PSEN1: variants seen among roughly 807,000 people sequenced by gnomAD.
PSEN1 encodes presenilin-1.
In PSEN1, 15 loss-of-function variants were observed where a neutral mutation model predicts 53.5. That is an observed-to-expected ratio of 0.28 (90% CI 0.19 to 0.43). The LOEUF is 0.43. Ranked by LOEUF, PSEN1 falls within the 20% of genes least tolerant of loss-of-function variation. The pLI, the probability that PSEN1 is intolerant of heterozygous loss-of-function variation, is 1.00. For synonymous variants in PSEN1, 208 were observed against 209.8 expected (o/e 0.99, Z 0.08); for missense variants, 387 against 571.2 (o/e 0.68, Z 3.29).
intron 1 of PSEN1, among the ~76,000 whole-genome samples, chr14:73,142,299 A>G (rs3025773): frequency 0.029 from 4,364 of 152,304 alleles, 179 homozygotes; most frequent in African/African-American, 0.083. Context: ...AATAAATCAC[A>G]AGCTCATTGG....
At chr14:73,203,928 A>T (rs912014474) in intron 8 of PSEN1, among the ~76,000 whole-genome samples, 13 of 152,342 alleles carry the variant, frequency 8.5e-5, no homozygotes, top group Admixed American at 6.5e-4. Context: ...TAGAAGCAGG[A>T]GGATTGCTTG....
At chr14:73,149,443 G>A (rs1897158733) in intron 3 of PSEN1, among the ~76,000 whole-genome samples, 1 of 152,152 alleles carries the variant, frequency 6.6e-6, no homozygotes, top group Non-Finnish European at 1.5e-5. Flanking sequence ...GATCTGTAGA[G>A]GATTAGTCCG....
intron 8 of PSEN1, among the ~76,000 whole-genome samples, chr14:73,202,027 G>A (rs1391755232): frequency 1.8e-4 from 27 of 151,954 alleles, no homozygotes; most frequent in Admixed American, 1.6e-3. Flanking sequence ...GATTACAGAC[G>A]TGAGCCACTG....
chr14:73,203,548 ATTTG>A (rs1013931720), intron 8 of PSEN1, among the ~76,000 whole-genome samples: 54 of 152,318 alleles, frequency 3.5e-4, no homozygotes, highest in African/African-American at 1.3e-3. Context: ...CATCCTGGCT[ATTTG>A]TTCTCTAAAA....
chr14:73,191,277 C>T lies in PSEN1; in HGVS notation c.549-1367C>T, dbSNP rs549562229. ...TCTCATCTACTCTTCTCTCACACTA[C>T]TTTGCATAAATGGGATCATAAATGG... On this transcript the variant is annotated intron_variant, in intron 6 of 11. Coordinates refer to ENST00000324501, the MANE Select transcript of PSEN1 (RefSeq NM_000021.4). 3.9e-5 allele frequency among the ~76,000 whole-genome samples: 6 copies of T among 152,268 alleles called. 1 individual carries two copies. The South Asian group carries it at 1.2e-3, about 32-fold the overall frequency.
chr14:73,187,016 C>A, intron 6 of PSEN1, 96 bp downstream of exon 6: 1 of 1,023,808 alleles, frequency 9.8e-7, no homozygotes, highest in African/African-American at 1.6e-5. Flanking sequence ...ATGAATTACT[C>A]TGAAGTTTTA....
At chr14:73,211,973 T>C (rs1899707707) in intron 10 of PSEN1, 31 bp downstream of exon 10, 2 of 1,608,478 alleles carry the variant, frequency 1.2e-6, no homozygotes, top group Non-Finnish European at 1.7e-6. Flanking sequence ...TGCAAAGTCA[T>C]GGATTCCTTT....
intron 3 of PSEN1, among the ~76,000 whole-genome samples, chr14:73,149,724 A>G (rs1329687448): frequency 6.6e-6 from 1 of 152,214 alleles, no homozygotes; most frequent in Non-Finnish European, 1.5e-5. Flanking sequence ...GTTGTCTACC[A>G]GAGTATAATC....
rs1416455346 is a variant in PSEN1, at chr14:73,221,457, G to A, written c.*2168G>A. 1 of 152,210 alleles carries A rather than the reference G, an allele frequency of 6.6e-6. No homozygotes were observed. Among genetic ancestry groups the A allele is most frequent in the African/African-American group, 2.4e-5 (1 of 41,454 alleles). 9.4% of individuals were successfully genotyped at this position (152,210 alleles called of 1,614,324 possible). A position where few individuals can be genotyped will look rare whatever the true frequency, so the allele number is the denominator to read the frequency against. ...CTTCTCTGAAGAGGGTACGTGGGGTGTGTGTATTTAAATCCATCCTATGTA... is the reference window on the plus strand; with the variant it reads ...CTTCTCTGAAGAGGGTACGTGGGGTATGTGTATTTAAATCCATCCTATGTA... On this transcript the variant is annotated 3_prime_UTR_variant, in exon 12 of 12. Coordinates refer to ENST00000324501, the MANE Select transcript of PSEN1 (RefSeq NM_000021.4).
chr14:73,173,896 T>G, intron 5 of PSEN1, 189 bp downstream of exon 5: 1 of 728,766 alleles, frequency 1.4e-6, no homozygotes, highest in Non-Finnish European at 2.4e-6. Context: ...GGTGCATGTG[T>G]AATGCCAGGC....
intron 6 of PSEN1, among the ~76,000 whole-genome samples, chr14:73,189,349 G>A (rs1054030690): frequency 2.0e-5 from 3 of 152,146 alleles, no homozygotes; most frequent in Non-Finnish European, 4.4e-5. Context: ...CGTGGCTCAT[G>A]CCTGTAATCC....
intron 9 of PSEN1, among the ~76,000 whole-genome samples, chr14:73,207,963 C>G (rs1899521954): frequency 2.0e-5 from 3 of 152,232 alleles, no homozygotes; most frequent in Non-Finnish European, 1.5e-5. Context: ...GCCACTACCA[C>G]TAGTAAACCT....
At chr14:73,208,457 A>C (rs1480406184) in intron 9 of PSEN1, among the ~76,000 whole-genome samples, 2 of 152,120 alleles carry the variant, frequency 1.3e-5, no homozygotes, top group Non-Finnish European at 2.9e-5. Context: ...TCCTGTCTGC[A>C]GGCAGGTCAT....
At position 73,219,617 on chromosome 14, in the gene PSEN1, C is replaced by A; in HGVS notation, c.*328C>A. The A allele has an allele frequency of 5.4e-6, 2 of 370,502 alleles. No individual in the cohort carries two copies. Among genetic ancestry groups the A allele is most frequent in the South Asian group, 4.7e-5 (2 of 42,282 alleles). 23.0% of individuals were successfully genotyped at this position (370,502 alleles called of 1,614,324 possible). A position where few individuals can be genotyped will look rare whatever the true frequency, so the allele number is the denominator to read the frequency against. On this transcript the variant is annotated 3_prime_UTR_variant, in exon 12 of 12. Transcript: ENST00000324501. ...AGCAGCTTGACGCGTGGTCACAGGACGATTTCACTGACACTGCGAACTCTC... is the reference window on the plus strand; with the variant it reads ...AGCAGCTTGACGCGTGGTCACAGGAAGATTTCACTGACACTGCGAACTCTC...
chr14:73,193,253 T>C (rs1297381612), intron 7 of PSEN1, among the ~76,000 whole-genome samples: 8 of 152,102 alleles, frequency 5.3e-5, no homozygotes, highest in Admixed American at 3.9e-4. Context: ...AAGGCTGCAG[T>C]GAGCCATGAT....
Position 73,223,677 on chromosome 14 carries a change from G to A in PSEN1, c.*4388G>A, listed in dbSNP as rs1188316437. The A allele has an allele frequency of 1.3e-5, 2 of 152,148 alleles. No individual in the cohort carries two copies. The highest frequency in any genetic ancestry group is 2.9e-5 in the Non-Finnish European group (2 of 68,030). 9.4% of individuals were successfully genotyped at this position (152,148 alleles called of 1,614,324 possible). ...TTTCTGTATTTGTCAGATTAATAAAGACTGCATGAATCCAGCTGTGCTAGT... is the reference window on the plus strand; with the variant it reads ...TTTCTGTATTTGTCAGATTAATAAAAACTGCATGAATCCAGCTGTGCTAGT... On this transcript the variant is annotated 3_prime_UTR_variant, in exon 12 of 12. Transcript: ENST00000324501.
chr14:73,184,538 T>G (rs1378566639), intron 5 of PSEN1, among the ~76,000 whole-genome samples: 2 of 85,668 alleles, frequency 2.3e-5, no homozygotes, highest in African/African-American at 1.0e-4. Context: ...CACCTCCCTC[T>G]CGGACAGGGC....
intron 3 of PSEN1, among the ~76,000 whole-genome samples, chr14:73,156,883 C>T (rs773522234): frequency 5.9e-5 from 9 of 152,104 alleles, no homozygotes; most frequent in Middle Eastern, 3.4e-3. Flanking sequence ...AGGATGATCT[C>T]GATCTCCTGA....
chr14:73,210,287 T>C (rs781182079), intron 9 of PSEN1, among the ~76,000 whole-genome samples: 154 of 152,376 alleles, frequency 1.0e-3, no homozygotes, highest in Non-Finnish European at 1.9e-3. Context: ...AAAGCAAATG[T>C]AATTATAGTA....
Sources: gnomAD v4.1 joint callset for allele counts (sites outside exome capture counted in the v4.1 genomes callset) on GRCh38, gnomAD v4.1.1 for gene constraint, MANE v1.5 for transcripts, NCBI Gene and HGNC (gene_info 2026-07-23, HGNC 2026-07-21) for gene names.